Variants in ARHGEF6 observed in about 807,000 individuals in gnomAD.
The protein encoded by ARHGEF6 is rho guanine nucleotide exchange factor 6.
In ARHGEF6, 9 loss-of-function variants were observed where a neutral mutation model predicts 70.3. The observed-to-expected ratio is 0.13, with a 90% CI of 0.08 to 0.22. The LOEUF (loss-of-function observed/expected upper bound fraction) is 0.22, where lower values mean the gene tolerates loss of function less well. Ranked by LOEUF, ARHGEF6 falls within the 10% of genes least tolerant of loss-of-function variation. The pLI is 1.00. For missense variants in ARHGEF6, 470 were observed against 563.0 expected (o/e 0.83, Z 1.67); for synonymous variants, 201 against 207.8 (o/e 0.97, Z 0.28).
intron 2 of ARHGEF6, among the ~76,000 whole-genome samples, chrX:136,769,946 T>C (rs946998934): frequency 8.9e-6 from 1 of 112,541 alleles, no homozygotes; most frequent in Non-Finnish European, 1.9e-5. Flanking sequence ...TTAGTAATCA[T>C]GAAATACAAA....
At position 136,683,502 on chromosome X, in the gene ARHGEF6, A is replaced by C. The variant is rs2295867; in HGVS notation, c.1393-658T>G. On this transcript the variant is annotated intron_variant, in intron 12 of 21. Coordinates refer to ENST00000250617, the MANE Select transcript of ARHGEF6 (RefSeq NM_004840.3). ...GCCTCCCAAGTAGCTGGGATTACAC[A>C]CATGTGCCACCACTCCCGGCTAATT... 2.8e-5 allele frequency among the ~76,000 whole-genome samples: 3 copies of C among 109,089 alleles called. No individual in the cohort carries two copies. The East Asian group carries it at 8.7e-4, about 32-fold the overall frequency. 94.7% of individuals were successfully genotyped at this position (109,089 alleles called of 115,157 possible).
At chrX:136,752,388 C>T (rs1266187236) in intron 2 of ARHGEF6, among the ~76,000 whole-genome samples, 1 of 111,864 alleles carries the variant, frequency 8.9e-6, no homozygotes, top group South Asian at 3.7e-4. Flanking sequence ...GCCTCGTGAG[C>T]CACGATCCAT....
At chrX:136,714,813 G>T (rs1303180689) in intron 6 of ARHGEF6, among the ~76,000 whole-genome samples, 1 of 111,695 alleles carries the variant, frequency 9.0e-6, no homozygotes, top group Non-Finnish European at 1.9e-5. Flanking sequence ...CATCATCTCA[G>T]ATTATGATAT....
intron 2 of ARHGEF6, chrX:136,767,290 A>T: frequency 1.3e-6 from 1 of 754,323 alleles, no homozygotes; most frequent in Non-Finnish European, 1.6e-6. Flanking sequence ...GAACAGATCA[A>T]CCCAGCCGGA....
intron 6 of ARHGEF6, among the ~76,000 whole-genome samples, chrX:136,729,911 T>A (rs2076918374): frequency 9.1e-6 from 1 of 110,439 alleles, no homozygotes; most frequent in South Asian, 3.8e-4. Flanking sequence ...ACATAGATAT[T>A]ACAGGCTATA....
At chrX:136,736,618 GGTGTGT>G (rs1556295145) in intron 5 of ARHGEF6, among the ~76,000 whole-genome samples, 43 of 103,736 alleles carry the variant, frequency 4.1e-4, no homozygotes, top group Admixed American at 7.2e-4. Context: ...GTTAAAAAGA[GGTGTGT>G]GTGTGTGTGT....
chrX:136,778,623 G>A (rs1362073743), intron 2 of ARHGEF6, among the ~76,000 whole-genome samples: 1 of 110,083 alleles, frequency 9.1e-6, no homozygotes, highest in Admixed American at 9.7e-5. Context: ...CCGAGTAGCT[G>A]GGACTACAGG....
chrX:136,709,098 T>A lies in ARHGEF6; in HGVS notation c.828-328A>T, dbSNP rs765014909. 6.2e-5 allele frequency among the ~76,000 whole-genome samples: 7 copies of A among 112,197 alleles called. No homozygotes were observed. The South Asian group carries it at 2.6e-3, about 42-fold the overall frequency. ...ATAGCTGTGAATAAGTGTAAAAAAC[T>A]CTTGAGTACCTTCCTCTGGATGAAC... On this transcript the variant is annotated intron_variant, in intron 7 of 21. Coordinates refer to ENST00000250617, the MANE Select transcript of ARHGEF6 (RefSeq NM_004840.3).
intron 2 of ARHGEF6, among the ~76,000 whole-genome samples, chrX:136,754,124 T>C (rs1001598723): frequency 5.4e-5 from 6 of 111,862 alleles, no homozygotes; most frequent in Admixed American, 4.7e-4. Flanking sequence ...AGCATCACCA[T>C]AGGACTCCCA....
chrX:136,772,308 A>C (rs1462258616), intron 2 of ARHGEF6, among the ~76,000 whole-genome samples: 1 of 112,306 alleles, frequency 8.9e-6, no homozygotes, highest in Non-Finnish European at 1.9e-5. Flanking sequence ...GGTACAAAAA[A>C]AATTGAAAGA....
At chrX:136,715,000 C>A (rs1341824043) in intron 6 of ARHGEF6, among the ~76,000 whole-genome samples, 1 of 111,942 alleles carries the variant, frequency 8.9e-6, no homozygotes, top group African/African-American at 3.2e-5. Context: ...CATATCATTG[C>A]CATGACATTG....
chrX:136,718,459 G>T (rs1468156383), intron 6 of ARHGEF6, among the ~76,000 whole-genome samples: 1 of 111,199 alleles, frequency 9.0e-6, no homozygotes, highest in Non-Finnish European at 1.9e-5. Flanking sequence ...TAACACTCTA[G>T]TTCCTTGTCA....
At chrX:136,695,631 G>A (rs1185839525) in intron 9 of ARHGEF6, among the ~76,000 whole-genome samples, 1 of 112,248 alleles carries the variant, frequency 8.9e-6, no homozygotes, top group African/African-American at 3.2e-5. Context: ...GAGAACATGT[G>A]CTCATTTTAC....
intron 9 of ARHGEF6, among the ~76,000 whole-genome samples, chrX:136,697,611 T>G (rs1204783569): frequency 2.7e-5 from 3 of 112,446 alleles, no homozygotes; most frequent in Non-Finnish European, 5.6e-5. Context: ...CTAAGACCAC[T>G]GTCATTCCAG....
At chrX:136,678,837 G>C (rs914035875) in intron 16 of ARHGEF6, among the ~76,000 whole-genome samples, 1 of 111,477 alleles carries the variant, frequency 9.0e-6, no homozygotes. Flanking sequence ...TCTGAAATCT[G>C]AAATGATTTG....
At chrX:136,692,049 G>C (rs1292683660) in intron 9 of ARHGEF6, among the ~76,000 whole-genome samples, 1 of 111,034 alleles carries the variant, frequency 9.0e-6, no homozygotes, top group Non-Finnish European at 1.9e-5. Context: ...AAACAGAGCG[G>C]ATTGCAGGTT....
intron 7 of ARHGEF6, among the ~76,000 whole-genome samples, chrX:136,711,963 T>G (rs1221794346): frequency 8.9e-6 from 1 of 112,794 alleles, no homozygotes. Flanking sequence ...ATTTCCATAG[T>G]GCCAGGAGAA....
Position 136,713,347 on chromosome X carries a change from A to G in ARHGEF6, c.756T>C (p.Thr252=), listed in dbSNP as rs746695629. 4.2e-6 allele frequency: 5 copies of G among 1,203,919 alleles called. No individual in the cohort carries two copies. The African/African-American group carries it at 8.8e-5, about 21-fold the overall frequency. Residue 252 remains threonine, a synonymous_variant, in exon 7 of 22, where the codon ACT becomes ACC. Coordinates refer to ENST00000250617, the MANE Select transcript of ARHGEF6 (RefSeq NM_004840.3). ...GAAGTTCTTTAGCATATTCTTTTTC[A>G]GTGTCCAGGATGTTCTGTAACACCT... The part of the protein sequence containing the change: ...YTVVLQNILD[T]EKEYAKELQS...
At chrX:136,699,589 A>T (rs747087814) in intron 9 of ARHGEF6, among the ~76,000 whole-genome samples, 1 of 111,319 alleles carries the variant, frequency 9.0e-6, no homozygotes, top group African/African-American at 3.3e-5. Flanking sequence ...TCACCACCTC[A>T]AAATCTGGAG....
Sources: allele counts gnomAD v4.1 joint callset (sites outside exome capture counted in the v4.1 genomes callset), GRCh38; gene constraint gnomAD v4.1.1; transcripts MANE v1.5; gene names NCBI Gene and HGNC (gene_info 2026-07-23, HGNC 2026-07-21).